SORCS1: variants seen among roughly 807,000 people sequenced by gnomAD.
The protein encoded by SORCS1 is VPS10 domain-containing receptor SorCS1.
SORCS1 carries 60 observed loss-of-function variants against 146.1 expected under a neutral mutation model. The observed-to-expected ratio is 0.41, with a 90% confidence interval of 0.33 to 0.51. SORCS1 has a LOEUF of 0.51. Among genes scored for constraint, SORCS1 ranks in the 20% least tolerant of loss-of-function variants. The pLI, the probability that SORCS1 is intolerant of heterozygous loss-of-function variation, is 0.21. For synonymous variants in SORCS1, 637 were observed against 584.0 expected, an observed-to-expected ratio of 1.09 and a Z score of -1.31; for missense variants, 1,352 against 1,487.6, an observed-to-expected ratio of 0.91 and a Z score of 1.50.
intron 2 of SORCS1, among the ~76,000 whole-genome samples, chr10:106,939,996 G>C (rs1299449609): frequency 6.6e-6 from 1 of 152,178 alleles, no homozygotes; most frequent in Admixed American, 6.5e-5. Flanking sequence ...ACAGCACAAG[G>C]TGCAGCCCTT....
chr10:106,715,253 A>G (rs1004077482), intron 6 of SORCS1, among the ~76,000 whole-genome samples: 3 of 152,242 alleles, frequency 2.0e-5, no homozygotes, highest in Non-Finnish European at 4.4e-5. Context: ...CAATTAATGC[A>G]TGCAACTGCT....
chr10:106,667,886 C>T (rs12415278), intron 16 of SORCS1, 84 bp from the exon 17 acceptor site: 138,259 of 823,468 alleles, frequency 0.17, 13,861 homozygotes, highest in African/African-American at 0.34. Context: ...AGCCAAGTTC[C>T]ACACTAATCA....
At chr10:106,714,519 C>G (rs1000376358) in intron 6 of SORCS1, among the ~76,000 whole-genome samples, 4 of 152,062 alleles carry the variant, frequency 2.6e-5, no homozygotes, top group Non-Finnish European at 4.4e-5. Flanking sequence ...GTATTCTGTA[C>G]TATCTTGGGT....
intron 1 of SORCS1, among the ~76,000 whole-genome samples, chr10:107,144,025 TC>T (rs1156738149): frequency 6.6e-6 from 1 of 152,068 alleles, no homozygotes; most frequent in Non-Finnish European, 1.5e-5. Flanking sequence ...CGCTCTGTAT[TC>T]TCCCTTCCTT....
intron 1 of SORCS1, among the ~76,000 whole-genome samples, chr10:107,108,608 A>T (rs1965471436): frequency 6.6e-6 from 1 of 152,126 alleles, no homozygotes; most frequent in African/African-American, 2.4e-5. Flanking sequence ...TCAACATGAG[A>T]TTCAGGCAGG....
chr10:107,075,881 T>C (rs1410071695), intron 1 of SORCS1, among the ~76,000 whole-genome samples: 4 of 152,116 alleles, frequency 2.6e-5, no homozygotes, highest in Admixed American at 1.3e-4. Context: ...GGCAACGATT[T>C]TCTTAGGGAG....
intron 6 of SORCS1, among the ~76,000 whole-genome samples, chr10:106,710,374 C>T (rs574368409): frequency 2.2e-5 from 3 of 137,464 alleles, no homozygotes; most frequent in South Asian, 2.5e-4. Flanking sequence ...TTGAACCCAG[C>T]GGGGCGGAGG....
chr10:106,682,123 A>G (rs1217836036), intron 10 of SORCS1, among the ~76,000 whole-genome samples: 7 of 152,254 alleles, frequency 4.6e-5, no homozygotes, highest in African/African-American at 1.4e-4. Context: ...GTGAGACTCC[A>G]TCTCTAATAC....
chr10:107,106,721 C>G (rs575782785), intron 1 of SORCS1, among the ~76,000 whole-genome samples: 1 of 151,936 alleles, frequency 6.6e-6, no homozygotes, highest in African/African-American at 2.4e-5. Context: ...TATGCCCTCC[C>G]CTCCCAAATT....
chr10:107,072,041 T>C (rs1319788517), intron 1 of SORCS1, among the ~76,000 whole-genome samples: 1 of 152,156 alleles, frequency 6.6e-6, no homozygotes, highest in African/African-American at 2.4e-5. Context: ...TCCTGGAGTG[T>C]TGGAAAAACT....
At chr10:106,973,532 C>T (rs1193720760) in intron 1 of SORCS1, among the ~76,000 whole-genome samples, 1 of 152,172 alleles carries the variant, frequency 6.6e-6, no homozygotes, top group African/African-American at 2.4e-5. Flanking sequence ...AATAAGACTG[C>T]AAGGGGGTCT....
intron 1 of SORCS1, among the ~76,000 whole-genome samples, chr10:107,102,524 T>C (rs554284983): frequency 3.9e-5 from 6 of 152,310 alleles, no homozygotes; most frequent in East Asian, 3.9e-4. Flanking sequence ...TGGAGTTACA[T>C]ATAAAAAGGG....
chr10:107,046,047 A>G (rs1434956566), intron 1 of SORCS1, among the ~76,000 whole-genome samples: 1 of 151,908 alleles, frequency 6.6e-6, no homozygotes, highest in Non-Finnish European at 1.5e-5. Context: ...CCCGGGTTCA[A>G]GCGATCCTCC....
intron 6 of SORCS1, among the ~76,000 whole-genome samples, chr10:106,711,167 A>G (rs1327301062): frequency 6.6e-6 from 1 of 152,242 alleles, no homozygotes; most frequent in Non-Finnish European, 1.5e-5. Context: ...CCTGGCACAC[A>G]GTAGGCAATA....
intron 3 of SORCS1, among the ~76,000 whole-genome samples, chr10:106,787,233 T>C (rs1413820024): frequency 6.6e-6 from 1 of 152,172 alleles, no homozygotes; most frequent in Non-Finnish European, 1.5e-5. Context: ...GAGAAAGCAC[T>C]GATATCATTT....
At chr10:106,754,025 G>T (rs573144037) in intron 5 of SORCS1, among the ~76,000 whole-genome samples, 1 of 152,072 alleles carries the variant, frequency 6.6e-6, no homozygotes, top group Admixed American at 6.5e-5. Flanking sequence ...CTGGATAATG[G>T]GTACCTCTTG....
intron 24 of SORCS1, among the ~76,000 whole-genome samples, chr10:106,584,291 G>C (rs1269837683): frequency 2.6e-5 from 4 of 152,126 alleles, no homozygotes; most frequent in Admixed American, 1.3e-4. Flanking sequence ...AATCATCAGA[G>C]TCTTAAAGTT....
intron 2 of SORCS1, among the ~76,000 whole-genome samples, chr10:106,836,899 A>G (rs1948814051): frequency 6.6e-6 from 1 of 152,176 alleles, no homozygotes; most frequent in African/African-American, 2.4e-5. Context: ...TAAGATTAGC[A>G]AGATATCTCA....
At position 106,677,347 on chromosome 10, in the gene SORCS1, T is replaced by C. The variant is rs558980380; in HGVS notation, c.1798A>G (p.Met600Val). The C allele has an allele frequency of 9.3e-6, 15 of 1,613,958 alleles. No homozygotes were observed. The highest frequency in any genetic ancestry group is 2.2e-5 in the East Asian group (1 of 44,848). The change falls in exon 13 of 26, where the codon ATG becomes GTG. Residue 600 changes from methionine (M) to valine (V), a missense_variant. Physicochemically the swap from Met to Val is conservative, Grantham distance 21 (BLOSUM62 1). Around this residue, in one of 3 missense-constraint regions of SORCS1, gnomAD observed 648 missense variants for 793.8 expected, o/e 0.82. Coordinates refer to ENST00000263054, the MANE Select transcript of SORCS1 (RefSeq NM_052918.5). ...YLDQGGVLVA[M>V]KHTSLPIRHL... The stretch of plus-strand genomic sequence containing the variant: ...CGAATTGGGAGAGATGTGTGTTTCA[T>C]AGCAACCAGGACTCCACCTTGATCC...
Sources: allele counts gnomAD v4.1 joint callset (sites outside exome capture counted in the v4.1 genomes callset), GRCh38; gene constraint gnomAD v4.1.1; regional missense constraint gnomAD v4.1.1; transcripts MANE v1.5; gene names NCBI Gene and HGNC (gene_info 2026-07-23, HGNC 2026-07-21).